The following NOLC1 variants were observed in gnomAD, a reference collection of about 807,000 sequenced individuals.
NOLC1 encodes the protein nucleolar and coiled-body phosphoprotein 1, also known as 140 kDa nucleolar phosphoprotein.
A neutral mutation model predicts 73.4 loss-of-function variants in NOLC1; 37 were observed. The ratio of observed to expected loss-of-function variants is 0.50; its 90% CI spans 0.39 to 0.66. NOLC1 has a LOEUF of 0.66. Ranked by LOEUF, NOLC1 falls within the 30% of genes least tolerant of loss-of-function variation. NOLC1 has a pLI of 0.00. For synonymous variants in NOLC1, 327 were observed against 302.6 expected, an observed-to-expected ratio of 1.08 and a Z score of -0.84; for missense variants, 921 against 838.9, an observed-to-expected ratio of 1.10 and a Z score of -1.21.
chr10:102,161,489 C>T, intron 10 of NOLC1, 67 bp from the exon 11 acceptor site: 2 of 1,211,908 alleles, frequency 1.7e-6, no homozygotes, highest in South Asian at 2.5e-5. Flanking sequence ...ACCTTGGACT[C>T]CCAAAATGCT....
chr10:102,158,248 G>T, intron 5 of NOLC1, 34 bp downstream of exon 5: 2 of 1,605,628 alleles, frequency 1.2e-6, no homozygotes, highest in South Asian at 2.2e-5. Context: ...CTGGGCTGGG[G>T]ACCAGATTGC....
At chr10:102,161,439 C>T in intron 10 of NOLC1, 117 bp from the exon 11 acceptor site, 1 of 735,388 alleles carries the variant, frequency 1.4e-6, no homozygotes, top group Non-Finnish European at 2.3e-6. Context: ...ACTATATTGC[C>T]CAGGCTGATC....
chr10:102,157,063 C>T lies in NOLC1; in HGVS notation c.165C>T (p.Ser55=), dbSNP rs2069608846. 1 of 1,614,192 alleles carries T rather than the reference C, an allele frequency of 6.2e-7. No individual in the cohort carries two copies. Among genetic ancestry groups the T allele is most frequent in the Non-Finnish European group, 8.5e-7 (1 of 1,180,026 alleles). ...ANASSLLDIY[S]FWLKSAKVPE... is the part of the protein sequence containing the mutation. ...CCTCTTCCCTCTTAGACATCTATAG[C>T]TTCTGGCTCAAGTAAGCCTTTCCTG... Residue 55 remains serine, a synonymous_variant, in exon 2 of 13, where the codon AGC becomes AGT. Transcript: ENST00000605788.
At chr10:102,159,137 C>A in intron 5 of NOLC1, 56 bp from the exon 6 acceptor site, 3 of 1,383,816 alleles carry the variant, frequency 2.2e-6, no homozygotes, top group Admixed American at 2.1e-5. Flanking sequence ...GGAGGTTTTT[C>A]ATGGTCCTGA....
At chr10:102,153,741 C>T (rs1471539237) in intron 1 of NOLC1, among the ~76,000 whole-genome samples, 2 of 143,808 alleles carry the variant, frequency 1.4e-5, no homozygotes, top group East Asian at 2.1e-4. Context: ...GGTGCGATCT[C>T]GGCTCATTGT....
At position 102,161,913 on chromosome 10, in the gene NOLC1, C is replaced by T. The variant is rs2069716544; in HGVS notation, c.1929C>T (p.Ser643=). The T allele has an allele frequency of 1.9e-6, 3 of 1,613,984 alleles. No individual in the cohort carries two copies. Among genetic ancestry groups the T allele is most frequent in the Non-Finnish European group, 2.5e-6 (3 of 1,179,924 alleles). ...TGGATTCACGAGTTGCGGACAACTCCTTTGATGCCAAGGTGAGAGAGAGAT... is the reference window on the plus strand; with the variant it reads ...TGGATTCACGAGTTGCGGACAACTCTTTTGATGCCAAGGTGAGAGAGAGAT... ...IEVDSRVADN[S]FDAKRGAAGD... is the part of the protein sequence containing the mutation. The change falls in exon 12 of 13, where the codon TCC becomes TCT. Residue 643 remains serine (S), a synonymous_variant. Coordinates refer to ENST00000605788, the MANE Select transcript of NOLC1 (RefSeq NM_004741.5).
Position 102,161,617 on chromosome 10 carries a change from G to C in NOLC1, c.1803G>C (p.Lys601Asn). ...AAKEAETPQA[K>N]KIKLQTPNTF... ...AGGAGGCAGAGACTCCTCAGGCCAA[G>C]AAGATAAAGCTTCAGACCCCTAACA... is the stretch of plus-strand genomic sequence containing the variant. Residue 601 changes from lysine to asparagine, a missense_variant, in exon 11 of 13, where the codon AAG becomes AAC. By Grantham distance (94) the Lys-to-Asn change is moderately conservative. Transcript: ENST00000605788. The C allele has an allele frequency of 1.2e-6, 2 of 1,614,118 alleles. No homozygotes were observed. The highest frequency in any genetic ancestry group is 1.7e-6 in the Non-Finnish European group (2 of 1,179,988).
In NOLC1 at chr10:102,162,958, A is replaced by T. The variant is rs1245883903; in HGVS notation, c.*689A>T. ...GAATGCCATGGGTCATTCTGAATAT[A>T]TTTTTTTCTGTAATTTTATCATTAC... On this transcript the variant is annotated 3_prime_UTR_variant, in exon 13 of 13. Coordinates refer to ENST00000605788, the MANE Select transcript of NOLC1 (RefSeq NM_004741.5). 6.6e-6 allele frequency: 1 copy of T among 151,994 alleles called. No individual in the cohort carries two copies. Among genetic ancestry groups the T allele is most frequent in the Middle Eastern group, 3.2e-3 (1 of 316 alleles). The allele number at this position is 151,994 out of a possible 1,614,324, so 9.4% of individuals were successfully genotyped here. A position where few individuals can be genotyped will look rare whatever the true frequency, so the allele number is the denominator to read the frequency against.
chr10:102,162,419 T>C lies in NOLC1; in HGVS notation c.*150T>C. ...TAAGACTTTACAGTGTAACATCCTC[T>C]CTGGTCCTTTTCTGTGTTCCTAGTT... is the stretch of plus-strand genomic sequence containing the variant. On this transcript the variant is annotated 3_prime_UTR_variant, in exon 13 of 13. Transcript: ENST00000605788. 1.5e-6 allele frequency: 1 copy of C among 685,552 alleles called. No individual in the cohort carries two copies. The highest frequency in any genetic ancestry group is 2.3e-6 in the Non-Finnish European group (1 of 432,566). The allele number at this position is 685,552 out of a possible 1,614,324, so 42.5% of individuals were successfully genotyped here. A position where few individuals can be genotyped will look rare whatever the true frequency, so the allele number is the denominator to read the frequency against.
In NOLC1 at chr10:102,160,890, A is replaced by G. The variant is rs774831996; in HGVS notation, c.1538A>G (p.Lys513Arg). The G allele has an allele frequency of 1.5e-5, 24 of 1,614,038 alleles. No homozygotes were observed. The highest frequency in any genetic ancestry group is 1.6e-4 in the Middle Eastern group (1 of 6,084). The change falls in exon 10 of 13, where the codon AAG becomes AGG. Residue 513 changes from lysine to arginine, a missense_variant. Coordinates refer to ENST00000605788, the MANE Select transcript of NOLC1 (RefSeq NM_004741.5). ...PSKPASAKKG[K>R]AESSNSSSSD... The stretch of plus-strand genomic sequence containing the variant: ...AAGCCAGCCTCTGCAAAGAAAGGAA[A>G]GGCTGAGAGCAGCAACAGTTCTTCT...
rs1564971676 is a variant in NOLC1, at chr10:102,160,665, C to T, written c.1313C>T (p.Thr438Ile). ...AGCAGCTCCAGTGAGGAGGAGAAGA[C>T]AAAGAAGATGGTGGCCACCACTAAG... ...EESSSSEEEKTKKMVATTKPK... is the reference protein window; with the variant it reads ...EESSSSEEEKIKKMVATTKPK... Residue 438 changes from threonine (T) to isoleucine (I), a missense_variant, in exon 10 of 13, where the codon ACA becomes ATA. By Grantham distance (89) the Thr-to-Ile change is moderately conservative (BLOSUM62 -1). Transcript: ENST00000605788. 6.2e-7 allele frequency: 1 copy of T among 1,614,086 alleles called. No individual in the cohort carries two copies. The highest frequency in any genetic ancestry group is 1.7e-5 in the Admixed American group (1 of 60,010).
intron 5 of NOLC1, among the ~76,000 whole-genome samples, chr10:102,158,949 G>T (rs2069648629): frequency 6.6e-6 from 1 of 151,406 alleles, no homozygotes; most frequent in Non-Finnish European, 1.5e-5. Flanking sequence ...ATAAAAATTA[G>T]CTGGGCATGG....
At chr10:102,157,929 T>C in intron 4 of NOLC1, 120 bp from the exon 5 acceptor site, 1 of 896,096 alleles carries the variant, frequency 1.1e-6, no homozygotes, top group Non-Finnish European at 1.7e-6. Context: ...CCGTATCCTG[T>C]CCTTAGCTTT....
intron 1 of NOLC1, among the ~76,000 whole-genome samples, chr10:102,155,022 A>ATTTT (rs34034390): frequency 2.3e-5 from 3 of 131,252 alleles, no homozygotes; most frequent in Non-Finnish European, 3.2e-5. Flanking sequence ...CACCTGGCTA[A>ATTTT]TTTTTTTTTT....
In NOLC1 at chr10:102,160,566, C is replaced by T. The variant is rs775321084; in HGVS notation, c.1214C>T (p.Ala405Val). The change falls in exon 10 of 13, where the codon GCC (alanine) becomes GTC (valine). Residue 405 changes from alanine to valine, a missense_variant. Transcript: ENST00000605788. Reference sequence around the variant, plus strand: ...TCACCTGCAGTGAAGCCAGCTGCAGCCCCCAAGCAACCTGTGGGCGGTGGC... The same window carrying T: ...TCACCTGCAGTGAAGCCAGCTGCAGTCCCCAAGCAACCTGTGGGCGGTGGC... ...TKSPAVKPAA[A>V]PKQPVGGGQK... 3.1e-6 allele frequency: 5 copies of T among 1,614,216 alleles called. No homozygotes were observed. Among genetic ancestry groups the T allele is most frequent in the Non-Finnish European group, 4.2e-6 (5 of 1,180,042 alleles).
chr10:102,153,618 G>A (rs17114406), intron 1 of NOLC1, among the ~76,000 whole-genome samples: 14,789 of 151,902 alleles, frequency 0.097, 1,058 homozygotes, highest in African/African-American at 0.2. Context: ...AGGAGACTGC[G>A]GAGAGTGCTT....
At chr10:102,157,104 T>A (rs745965903) in intron 2 of NOLC1, 30 bp downstream of exon 2, 7 of 1,614,096 alleles carry the variant, frequency 4.3e-6, no homozygotes, top group Non-Finnish European at 5.9e-6. Context: ...TTTTGGCTAT[T>A]TTCTCCCCCA....
rs898928801 is a variant in NOLC1 at position 102,162,814 on chromosome 10, C to G, written c.*545C>G. ...ATATGCAATGTCTGTTAAGCATGCA[C>G]TATGTATTTCATCCTCATTTATTGG... On this transcript the variant is annotated 3_prime_UTR_variant, in exon 13 of 13. Transcript: ENST00000605788. 2.0e-5 allele frequency: 3 copies of G among 152,294 alleles called. No individual in the cohort carries two copies. Among genetic ancestry groups the G allele is most frequent in the African/African-American group, 7.2e-5 (3 of 41,446 alleles). The allele number at this position is 152,294 out of a possible 1,614,324, so 9.4% of individuals were successfully genotyped here. A position where few individuals can be genotyped will look rare whatever the true frequency, so the allele number is the denominator to read the frequency against.
intron 6 of NOLC1, 30 bp from the exon 7 acceptor site, chr10:102,159,403 C>G (rs760259777): frequency 6.2e-7 from 1 of 1,613,890 alleles, no homozygotes; most frequent in Admixed American, 1.7e-5. Flanking sequence ...CAGCATTTTC[C>G]TGTGGTAATC....
Sources: allele counts gnomAD v4.1 joint callset (sites outside exome capture counted in the v4.1 genomes callset), GRCh38; gene constraint gnomAD v4.1.1; transcripts MANE v1.5; gene names NCBI Gene and HGNC (gene_info 2026-07-23, HGNC 2026-07-21).